DNAH6: variants seen among roughly 807,000 people sequenced by gnomAD.
DNAH6 encodes axonemal beta dynein heavy chain 6.
DNAH6 carries 340 observed loss-of-function variants against 491.4 expected under a neutral mutation model. That is an observed-to-expected ratio of 0.69 (90% CI 0.63 to 0.76). The LOEUF (loss-of-function observed/expected upper bound fraction) is 0.76, where lower values mean the gene tolerates loss of function less well. DNAH6 is among the 30% of genes least tolerant of loss of function. DNAH6 has a pLI of 0.00. For missense variants in DNAH6, 4,443 were observed against 4,972.2 expected (o/e 0.89, Z 3.20); for synonymous variants, 1,603 against 1,686.1 (o/e 0.95, Z 1.21).
intron 36 of DNAH6, 29 bp downstream of exon 36, chr2:84,658,503 G>C: frequency 7.4e-7 from 1 of 1,360,540 alleles, no homozygotes; most frequent in Non-Finnish European, 9.6e-7. Flanking sequence ...TTGCTATGAA[G>C]CTAGAAAAAT....
At chr2:84,505,695 C>T in the DNAH6 span, among the ~76,000 whole-genome samples, 1 of 152,256 alleles carries the variant, frequency 6.6e-6, no homozygotes, top group African/African-American at 2.4e-5. Flanking sequence ...TCTCCTAATG[C>T]TATCCCTCCC....
chr2:84,622,589 T>A (rs1687500898), intron 26 of DNAH6, among the ~76,000 whole-genome samples: 1 of 152,174 alleles, frequency 6.6e-6, no homozygotes, highest in African/African-American at 2.4e-5. Flanking sequence ...GATGGACACT[T>A]GTGTTATTTC....
At position 84,709,469 on chromosome 2, in the gene DNAH6, G is replaced by A. The variant is rs913583503; in HGVS notation, c.9175G>A (p.Asp3059Asn). The change falls in exon 55 of 77, where the codon GAC (aspartate) becomes AAC (asparagine). Residue 3059 changes from aspartate (D) to asparagine (N), a missense_variant. Coordinates refer to ENST00000389394, the MANE Select transcript of DNAH6 (RefSeq NM_001370.2). ...GTGGAACACTGATGGGCTGCCCCGTGACTTGATATCAACAGAAAATGGCAT... is the reference window on the plus strand; with the variant it reads ...GTGGAACACTGATGGGCTGCCCCGTAACTTGATATCAACAGAAAATGGCAT... ...RQWNTDGLPR[D>N]LISTENGILV... is the part of the protein sequence containing the mutation. 2.1e-5 allele frequency: 32 copies of A among 1,551,536 alleles called. No homozygotes were observed. The highest frequency in any genetic ancestry group is 3.3e-4 in the Middle Eastern group (2 of 6,016).
chr2:84,635,659 G>A (rs906042852), intron 30 of DNAH6, among the ~76,000 whole-genome samples: 4 of 152,176 alleles, frequency 2.6e-5, no homozygotes, highest in Non-Finnish European at 4.4e-5. Flanking sequence ...GCTACATGAG[G>A]ACAGAGGAGA....
At chr2:84,716,506 G>A (rs1057491371) in intron 58 of DNAH6, among the ~76,000 whole-genome samples, 1 of 152,060 alleles carries the variant, frequency 6.6e-6, no homozygotes, top group Non-Finnish European at 1.5e-5. Flanking sequence ...TACCTATGTT[G>A]TCACTAATGA....
At chr2:84,468,033 G>A in the DNAH6 span, among the ~76,000 whole-genome samples, 1 of 152,046 alleles carries the variant, frequency 6.6e-6, no homozygotes, top group Admixed American at 6.6e-5. Flanking sequence ...TGACCTTAAA[G>A]CATTTAGCAA....
intron 22 of DNAH6, 66 bp downstream of exon 22, chr2:84,611,920 C>A: frequency 7.3e-7 from 1 of 1,378,692 alleles, no homozygotes; most frequent in Non-Finnish European, 9.8e-7. Context: ...ACTTTAGTCC[C>A]AGACTAAAAT....
intron 59 of DNAH6, among the ~76,000 whole-genome samples, chr2:84,719,527 T>C (rs898263141): frequency 2.0e-5 from 3 of 152,066 alleles, no homozygotes; most frequent in Non-Finnish European, 2.9e-5. Context: ...TTGTTTTGTT[T>C]TGAGACAGGG....
chr2:84,624,113 T>A (rs1194053224), intron 26 of DNAH6, among the ~76,000 whole-genome samples, 152 bp from the exon 27 acceptor site: 1 of 152,224 alleles, frequency 6.6e-6, no homozygotes, highest in Non-Finnish European at 1.5e-5. Context: ...GAGAATTAAA[T>A]AAAAGTATTG....
intron 73 of DNAH6, 92 bp downstream of exon 73, chr2:84,812,618 C>A: frequency 1.0e-6 from 1 of 990,580 alleles, no homozygotes; most frequent in South Asian, 1.7e-5. Flanking sequence ...TATCCACAGT[C>A]ACTGATGGAT....
At chr2:84,723,110 C>A (rs1459103006) in intron 60 of DNAH6, among the ~76,000 whole-genome samples, 3 of 152,094 alleles carry the variant, frequency 2.0e-5, no homozygotes, top group Non-Finnish European at 4.4e-5. Context: ...TGCCTGTAAT[C>A]CCAGCTACTC....
Position 84,745,090 on chromosome 2 carries a change from G to A in DNAH6, c.10353G>A (p.Glu3451=). Residue 3451 remains glutamate, a synonymous_variant, in exon 63 of 77, where the codon GAG becomes GAA. Coordinates refer to ENST00000389394, the MANE Select transcript of DNAH6 (RefSeq NM_001370.2). ...AAATTGTATTTCCAGGATCTTTTGA[G>A]ACTTATATTAACCCACAGAAATGGG... ...HPISIRLGSF[E]TYINPQKWEG... The A allele has an allele frequency of 1.3e-6, 2 of 1,508,454 alleles. No individual in the cohort carries two copies. Among genetic ancestry groups the A allele is most frequent in the African/African-American group, 1.4e-5 (1 of 70,940 alleles). The allele number at this position is 1,508,454 out of a possible 1,614,324, so 93.4% of individuals were successfully genotyped here. A position where few individuals can be genotyped will look rare whatever the true frequency, so the allele number is the denominator to read the frequency against.
the DNAH6 span, among the ~76,000 whole-genome samples, chr2:84,485,329 G>T: frequency 6.6e-6 from 1 of 152,118 alleles, no homozygotes; most frequent in African/African-American, 2.4e-5. Flanking sequence ...TGGAAGTGGG[G>T]CAGGATGCAG....
intron 4 of DNAH6, among the ~76,000 whole-genome samples, chr2:84,531,136 C>T (rs1005804518): frequency 3.9e-5 from 6 of 152,096 alleles, no homozygotes; most frequent in African/African-American, 1.4e-4. Flanking sequence ...GCTTCCAGGT[C>T]ATAGGTAGAT....
chr2:84,652,814 A>G (rs1019219008), intron 33 of DNAH6, among the ~76,000 whole-genome samples: 2 of 151,944 alleles, frequency 1.3e-5, no homozygotes, highest in African/African-American at 2.4e-5. Context: ...TCCTTCTTGC[A>G]TGATGCTAAT....
At chr2:84,590,819 C>T (rs369883841) in intron 16 of DNAH6, among the ~76,000 whole-genome samples, 1 of 152,020 alleles carries the variant, frequency 6.6e-6, no homozygotes, top group Non-Finnish European at 1.5e-5. Context: ...TTCTCCCTGG[C>T]GAAGGAGGGA....
In DNAH6 at chr2:84,611,783, A is replaced by T; in HGVS notation, c.3404A>T (p.Asp1135Val). Residue 1135 changes from aspartate to valine, a missense_variant, in exon 22 of 77, where the codon GAT (aspartate) becomes GTT (valine). Asp to Val is a radical substitution (Grantham distance 152). This residue lies in a region of DNAH6 where 2,977 missense variants were observed against 3,296.6 expected (regional missense o/e 0.90). Transcript: ENST00000389394. ...GAGGCCAAGATGTTCCTTCAGGTGG[A>T]TAAGTCATGGAAAGAAATCATGAGA... ...PAEAKMFLQV[D>V]KSWKEIMRKV... The T allele has an allele frequency of 6.4e-7, 1 of 1,551,272 alleles. No individual in the cohort carries two copies. Among genetic ancestry groups the T allele is most frequent in the East Asian group, 2.4e-5 (1 of 40,896 alleles).
At chr2:84,550,091 G>C in intron 9 of DNAH6, 34 bp downstream of exon 9, 1 of 1,562,502 alleles carries the variant, frequency 6.4e-7, no homozygotes, top group Non-Finnish European at 8.8e-7. Flanking sequence ...TATTTTATTG[G>C]TCAGCATTTA....
In DNAH6 at chr2:84,701,501, G is replaced by T. The variant is rs567675511; in HGVS notation, c.8061+162G>T. On this transcript the variant is annotated intron_variant, in intron 49 of 76. Transcript: ENST00000389394. ...TGAGACTGGGTAATTTATAAGAAAA[G>T]AGATGTAATTGGCTCACAGTTCTGC... 7.9e-5 allele frequency among the ~76,000 whole-genome samples: 12 copies of T among 152,324 alleles called. No individual in the cohort carries two copies. The South Asian group carries it at 2.5e-3, about 32-fold the overall frequency.
Sources: gnomAD v4.1 joint callset for allele counts (sites outside exome capture counted in the v4.1 genomes callset) on GRCh38, gnomAD v4.1.1 for gene constraint, gnomAD v4.1.1 regional missense constraint, MANE v1.5 for transcripts, NCBI Gene and HGNC (gene_info 2026-07-23, HGNC 2026-07-21) for gene names.